The following AGPAT5 variants were observed in gnomAD, a reference collection of about 807,000 sequenced individuals.
The protein encoded by AGPAT5 is 1-acylglycerol-3-phosphate O-acyltransferase 5, also known as 1-acyl-sn-glycerol-3-phosphate acyltransferase epsilon.
AGPAT5 carries 46 observed loss-of-function variants against 45.6 expected under a neutral mutation model. The observed-to-expected ratio is 1.01, with a 90% CI of 0.80 to 1.29. The LOEUF is 1.29. AGPAT5 is among the 50% of genes most tolerant of loss of function. AGPAT5 has a pLI of 0.00. For missense variants in AGPAT5, 673 were observed against 450.7 expected (o/e 1.49, Z -4.47); for synonymous variants, 272 against 167.0 (o/e 1.63, Z -4.85).
At chr8:6,710,576 C>G (rs1274127443) in intron 1 of AGPAT5, among the ~76,000 whole-genome samples, 2 of 152,172 alleles carry the variant, frequency 1.3e-5, no homozygotes, top group East Asian at 3.8e-4. Flanking sequence ...CCAAGAGTTT[C>G]TTGTTCCTGC....
intron 1 of AGPAT5, among the ~76,000 whole-genome samples, chr8:6,711,951 G>T (rs932051564): frequency 3.9e-5 from 6 of 152,130 alleles, no homozygotes; most frequent in African/African-American, 1.4e-4. Context: ...AATTATAACT[G>T]CAAAGAGCCT....
intron 1 of AGPAT5, among the ~76,000 whole-genome samples, chr8:6,722,688 G>A (rs1439461125): frequency 6.6e-6 from 1 of 152,318 alleles, no homozygotes; most frequent in East Asian, 1.9e-4. Flanking sequence ...TCTAATTCAG[G>A]CCTTCTCCTG....
intron 1 of AGPAT5, among the ~76,000 whole-genome samples, chr8:6,723,678 A>G (rs1800584183): frequency 6.6e-6 from 1 of 152,246 alleles, no homozygotes; most frequent in African/African-American, 2.4e-5. Flanking sequence ...GATAAACTTT[A>G]TGAATAAAAA....
At position 6,743,581 on chromosome 8, in the gene AGPAT5, A is replaced by G. The variant is rs528874472; in HGVS notation, c.586+1830A>G. The stretch of plus-strand genomic sequence containing the variant: ...TTAGACATGGAGGAAGAAGCTGTTC[A>G]GATGGGGTCCTGCAGAAGTGCAGGC... On this transcript the variant is annotated intron_variant, in intron 5 of 7. Coordinates refer to ENST00000285518, the MANE Select transcript of AGPAT5 (RefSeq NM_018361.5). Among the ~76,000 whole-genome samples the G allele has an allele frequency of 4.7e-4, 72 of 152,366 alleles. 1 individual carries two copies. The highest frequency in any genetic ancestry group is 1.6e-3 in the African/African-American group (65 of 41,590).
At chr8:6,746,758 T>C (rs1439284418) in intron 5 of AGPAT5, among the ~76,000 whole-genome samples, 3 of 152,214 alleles carry the variant, frequency 2.0e-5, no homozygotes, top group African/African-American at 7.2e-5. Context: ...TCAGCTACTT[T>C]CCCTCCAGAG....
chr8:6,732,697 A>T (rs996372891), intron 4 of AGPAT5, 47 bp downstream of exon 4: 8 of 1,406,410 alleles, frequency 5.7e-6, no homozygotes, highest in Non-Finnish European at 7.8e-6. Context: ...CTCAGTTTCT[A>T]AATTTAAGAA....
chr8:6,735,172 C>A (rs1427644568), intron 4 of AGPAT5, among the ~76,000 whole-genome samples: 1 of 152,136 alleles, frequency 6.6e-6, no homozygotes, highest in Non-Finnish European at 1.5e-5. Flanking sequence ...CTGTTCTCTT[C>A]ACCCAGCCTC....
chr8:6,729,663 C>G (rs149595546), intron 2 of AGPAT5, among the ~76,000 whole-genome samples: 1 of 152,202 alleles, frequency 6.6e-6, no homozygotes, highest in South Asian at 2.1e-4. Flanking sequence ...TTCCCATCTT[C>G]TGCACCCACT....
chr8:6,738,795 A>T (rs1353988480), intron 4 of AGPAT5, among the ~76,000 whole-genome samples: 3 of 152,008 alleles, frequency 2.0e-5, no homozygotes, highest in Admixed American at 2.0e-4. Flanking sequence ...TTATACATTT[A>T]TATGTATCTT....
intron 2 of AGPAT5, among the ~76,000 whole-genome samples, chr8:6,729,197 T>C (rs2928629): frequency 0.75 from 114,716 of 152,158 alleles, 44,471 homozygotes; most frequent in African/African-American, 0.94. Flanking sequence ...GCTAAATCTT[T>C]TTTGGGATAT....
intron 5 of AGPAT5, chr8:6,746,122 C>G (rs1242014819): frequency 2.0e-5 from 3 of 152,158 alleles, no homozygotes; most frequent in Non-Finnish European, 2.9e-5. Context: ...TCCCCAACTT[C>G]CAGGCTAAAG....
chr8:6,713,525 T>G (rs1414065222), intron 1 of AGPAT5, among the ~76,000 whole-genome samples: 2 of 152,174 alleles, frequency 1.3e-5, no homozygotes, highest in Non-Finnish European at 2.9e-5. Flanking sequence ...TTTTGACATT[T>G]CTCTAATATG....
chr8:6,733,298 C>G (rs907076351), intron 4 of AGPAT5, among the ~76,000 whole-genome samples: 5 of 152,192 alleles, frequency 3.3e-5, no homozygotes, highest in Non-Finnish European at 7.4e-5. Flanking sequence ...CTCGTGTGCA[C>G]AGGCTTTCCC....
chr8:6,715,133 A>T (rs990458325), intron 1 of AGPAT5, among the ~76,000 whole-genome samples: 2 of 152,134 alleles, frequency 1.3e-5, no homozygotes, highest in Non-Finnish European at 2.9e-5. Context: ...TAGACAATGT[A>T]CCTGCCATTA....
At chr8:6,742,818 G>C (rs1050652463) in intron 5 of AGPAT5, among the ~76,000 whole-genome samples, 1 of 152,134 alleles carries the variant, frequency 6.6e-6, no homozygotes, top group Non-Finnish European at 1.5e-5. Context: ...GTCCTATTAA[G>C]TAAGGAGTGT....
At chr8:6,737,066 C>A (rs1801076962) in intron 4 of AGPAT5, among the ~76,000 whole-genome samples, 1 of 152,180 alleles carries the variant, frequency 6.6e-6, no homozygotes, top group African/African-American at 2.4e-5. Flanking sequence ...ATTCAAATAA[C>A]CTAGTCTGGT....
intron 1 of AGPAT5, among the ~76,000 whole-genome samples, chr8:6,719,246 A>G (rs1304336171): frequency 6.6e-6 from 1 of 152,186 alleles, no homozygotes; most frequent in East Asian, 1.9e-4. Flanking sequence ...ACATTATTTT[A>G]CATTAGGTTC....
At chr8:6,711,320 T>G (rs886668223) in intron 1 of AGPAT5, among the ~76,000 whole-genome samples, 1 of 152,208 alleles carries the variant, frequency 6.6e-6, no homozygotes, top group Admixed American at 6.5e-5. Context: ...TCTTCCCCAA[T>G]TTCACTACTT....
At chr8:6,709,045 C>CCTGCCGTT (rs1563277321) in intron 1 of AGPAT5, 158 bp downstream of exon 1, 1 of 769,356 alleles carries the variant, frequency 1.3e-6, no homozygotes, top group Admixed American at 2.0e-5. Flanking sequence ...CCGCATGCTT[C>CCTGCCGTT]CTGCCGTTCT....
Sources: allele counts gnomAD v4.1 joint callset (sites outside exome capture counted in the v4.1 genomes callset), GRCh38; gene constraint gnomAD v4.1.1; transcripts MANE v1.5; gene names NCBI Gene and HGNC (gene_info 2026-07-23, HGNC 2026-07-21).